MANBA: variants seen among roughly 807,000 people sequenced by gnomAD.
MANBA encodes mannosidase beta, also known as beta-mannosidase.
Under a neutral mutation model 111.1 loss-of-function variants are expected in MANBA, and 83 were observed. That is an observed-to-expected ratio of 0.75 (90% CI 0.63 to 0.90). The LOEUF (loss-of-function observed/expected upper bound fraction) is 0.90. MANBA is among the 40% of genes least tolerant of loss of function. The pLI, the probability that MANBA is intolerant of heterozygous loss-of-function variation, is 0.00. For synonymous variants in MANBA, 370 were observed against 378.7 expected, an observed-to-expected ratio of 0.98 and a Z score of 0.27; for missense variants, 1,036 against 1,069.0, an observed-to-expected ratio of 0.97 and a Z score of 0.43.
chr4:102,715,088 C>G (rs977576825), intron 4 of MANBA, among the ~76,000 whole-genome samples: 1 of 152,168 alleles, frequency 6.6e-6, no homozygotes, highest in African/African-American at 2.4e-5. Context: ...AATGATCCCC[C>G]CTTTGAAGTG....
chr4:102,657,238 G>GGAA (rs1730605431), intron 12 of MANBA, among the ~76,000 whole-genome samples: 3 of 105,108 alleles, frequency 2.9e-5, no homozygotes, highest in Non-Finnish European at 5.9e-5. Context: ...GGGGGTGGGC[G>GGAA]GTGGTAATGG....
intron 4 of MANBA, among the ~76,000 whole-genome samples, chr4:102,721,055 G>A (rs1228279138): frequency 6.6e-6 from 1 of 152,176 alleles, no homozygotes; most frequent in African/African-American, 2.4e-5. Flanking sequence ...TAAATTTCAT[G>A]GCTCACGCCT....
At chr4:102,642,357 C>T (rs1265072244) in intron 13 of MANBA, among the ~76,000 whole-genome samples, 1 of 152,184 alleles carries the variant, frequency 6.6e-6, no homozygotes, top group East Asian at 1.9e-4. Flanking sequence ...CCTGTAATCC[C>T]AGCACTTTGG....
intron 4 of MANBA, among the ~76,000 whole-genome samples, chr4:102,715,364 A>G (rs982322214): frequency 3.3e-5 from 5 of 152,320 alleles, no homozygotes; most frequent in South Asian, 2.1e-4. Flanking sequence ...AACTGCAGCC[A>G]TGAGACCTTA....
intron 10 of MANBA, chr4:102,665,064 T>TA: frequency 1.8e-6 from 1 of 551,678 alleles, no homozygotes; most frequent in Non-Finnish European, 3.2e-6. Context: ...TAAACACTGA[T>TA]ACATAGGGTT....
chr4:102,658,023 G>A, intron 11 of MANBA, 123 bp from the exon 12 acceptor site: 1 of 737,366 alleles, frequency 1.4e-6, no homozygotes, highest in Admixed American at 2.0e-5. Context: ...AAAATTAGTA[G>A]GACCACTTAC....
At chr4:102,752,454 G>A in intron 1 of MANBA, 1 of 778,578 alleles carries the variant, frequency 1.3e-6, no homozygotes, top group South Asian at 1.3e-5. Flanking sequence ...AACAGCAACT[G>A]ATTTCAGGAT....
At chr4:102,753,109 A>C (rs1723870620) in intron 1 of MANBA, among the ~76,000 whole-genome samples, 1 of 152,146 alleles carries the variant, frequency 6.6e-6, no homozygotes, top group African/African-American at 2.4e-5. Flanking sequence ...AATGGGGTGT[A>C]TGAAGCTATT....
rs149500368 is a variant in MANBA at position 102,731,985 on chromosome 4, G to A, written c.178-5302C>T. On this transcript the variant is annotated intron_variant, in intron 1 of 16. Coordinates refer to ENST00000647097, the MANE Select transcript of MANBA (RefSeq NM_005908.4). ...TGTAATGGCGCAATCCCAGCTCACT[G>A]CAACTTCAGCCTCCCAGGTTCAAGC... is the stretch of plus-strand genomic sequence containing the variant. 3.6e-3 allele frequency among the ~76,000 whole-genome samples: 552 copies of A among 151,928 alleles called. 5 individuals carry two copies. Among genetic ancestry groups the A allele is most frequent in the Admixed American group, 6.8e-3 (103 of 15,256 alleles).
chr4:102,655,448 T>C (rs1730519907), intron 12 of MANBA, among the ~76,000 whole-genome samples: 1 of 152,192 alleles, frequency 6.6e-6, no homozygotes, highest in African/African-American at 2.4e-5. Flanking sequence ...AGACAGTGCA[T>C]AGTGACATGA....
At chr4:102,732,154 G>A (rs1230060321) in intron 1 of MANBA, among the ~76,000 whole-genome samples, 1 of 152,110 alleles carries the variant, frequency 6.6e-6, no homozygotes, top group Non-Finnish European at 1.5e-5. Flanking sequence ...CAGGTGATCT[G>A]CCTGTCTCAG....
At chr4:102,716,462 G>C (rs988399531) in intron 4 of MANBA, among the ~76,000 whole-genome samples, 1 of 152,058 alleles carries the variant, frequency 6.6e-6, no homozygotes, top group African/African-American at 2.4e-5. Flanking sequence ...AAAGCAATCA[G>C]TTCGATCTTT....
intron 1 of MANBA, chr4:102,728,781 GC>G: frequency 1.1e-6 from 1 of 950,788 alleles, no homozygotes; most frequent in Non-Finnish European, 1.6e-6. Flanking sequence ...TAGGACACCA[GC>G]CTCCCATCAT....
At chr4:102,693,518 C>T (rs1732576462) in intron 5 of MANBA, among the ~76,000 whole-genome samples, 1 of 152,114 alleles carries the variant, frequency 6.6e-6, no homozygotes, top group Non-Finnish European at 1.5e-5. Flanking sequence ...GGAAACGAGC[C>T]CTCACTGGAA....
intron 13 of MANBA, among the ~76,000 whole-genome samples, chr4:102,649,014 T>C (rs1412894817): frequency 6.6e-6 from 1 of 152,158 alleles, no homozygotes; most frequent in African/African-American, 2.4e-5. Context: ...TGTATCCTTT[T>C]ATGTCTGGTT....
intron 1 of MANBA, among the ~76,000 whole-genome samples, chr4:102,747,473 A>AATTGCCCCCAACAC (rs1723632864): frequency 6.6e-6 from 1 of 152,164 alleles, no homozygotes; most frequent in African/African-American, 2.4e-5. Flanking sequence ...GTCAAATGTT[A>AATTGCCCCCAACAC]ATCTCCTTTG....
Position 102,726,591 on chromosome 4 carries a change from A to T in MANBA, c.270T>A (p.Ile90=). ...YSKEFKIPFE[I]SKWQKVNLIL... ...AATACACCCACAAACATACATACCT[A>T]ATTTCAAAGGGGATTTTAAATTCTT... The change falls in exon 2 of 17, where the codon ATT becomes ATA. Residue 90 remains isoleucine (I), a splice_region_variant and synonymous_variant. Coordinates refer to ENST00000647097, the MANE Select transcript of MANBA (RefSeq NM_005908.4). 6.8e-7 allele frequency: 1 copy of T among 1,478,844 alleles called. No individual in the cohort carries two copies. The highest frequency in any genetic ancestry group is 2.3e-5 in the East Asian group (1 of 44,082). The allele number at this position is 1,478,844 out of a possible 1,614,324, so 91.6% of individuals were successfully genotyped here.
chr4:102,667,058 T>C (rs775573763), intron 10 of MANBA: 6 of 152,242 alleles, frequency 3.9e-5, no homozygotes, highest in Non-Finnish European at 8.8e-5. Flanking sequence ...TTATCTTTAT[T>C]GAATCTCAAA....
intron 5 of MANBA, among the ~76,000 whole-genome samples, chr4:102,709,846 G>A (rs910883731): frequency 2.0e-5 from 3 of 152,094 alleles, no homozygotes; most frequent in South Asian, 4.1e-4. Flanking sequence ...AGGGATGCAA[G>A]GATCTTACAT....
Sources: gnomAD v4.1 joint callset for allele counts (sites outside exome capture counted in the v4.1 genomes callset) on GRCh38, gnomAD v4.1.1 for gene constraint, MANE v1.5 for transcripts, NCBI Gene and HGNC (gene_info 2026-07-23, HGNC 2026-07-21) for gene names.